The following CDC37L1 variants were observed in gnomAD, a reference collection of about 807,000 sequenced individuals.
The protein encoded by CDC37L1 is hsp90 co-chaperone Cdc37-like 1.
CDC37L1 carries 32 observed loss-of-function variants against 45.9 expected under a neutral mutation model. The observed-to-expected ratio is 0.70, with a 90% confidence interval of 0.53 to 0.94. The LOEUF (loss-of-function observed/expected upper bound fraction) is 0.94. Among genes scored for constraint, CDC37L1 ranks in the 40% least tolerant of loss-of-function variants. CDC37L1 has a pLI of 0.00. For synonymous variants in CDC37L1, 150 were observed against 133.0 expected, an observed-to-expected ratio of 1.13 and a Z score of -0.88; for missense variants, 434 against 405.7, an observed-to-expected ratio of 1.07 and a Z score of -0.60.
At chr9:4,684,701 G>C (rs1463459566) in intron 1 of CDC37L1, among the ~76,000 whole-genome samples, 176 bp from the exon 2 acceptor site, 1 of 152,186 alleles carries the variant, frequency 6.6e-6, no homozygotes, top group Non-Finnish European at 1.5e-5. Flanking sequence ...AAGAAGTTTA[G>C]AAGTTAGTTG....
At chr9:4,693,686 G>A (rs1041891368) in intron 3 of CDC37L1, among the ~76,000 whole-genome samples, 5 of 152,160 alleles carry the variant, frequency 3.3e-5, no homozygotes, top group Non-Finnish European at 7.4e-5. Context: ...CAGAGAAATT[G>A]TTTGGCTAGT....
intron 4 of CDC37L1, 96 bp from the exon 5 acceptor site, chr9:4,697,661 A>G (rs1841360714): frequency 3.1e-6 from 2 of 637,960 alleles, no homozygotes. Flanking sequence ...TTAAGAGAGT[A>G]AAATCAAAAG....
intron 3 of CDC37L1, among the ~76,000 whole-genome samples, chr9:4,696,395 G>T (rs1587621251): frequency 6.6e-6 from 1 of 151,890 alleles, no homozygotes; most frequent in African/African-American, 2.4e-5. Context: ...CATAATCCCA[G>T]CACTTTGGGA....
rs138255709 is a variant in CDC37L1, at chr9:4,708,018, G to A, written c.*1906G>A. On this transcript the variant is annotated 3_prime_UTR_variant, in exon 7 of 7. Transcript: ENST00000381854. Reference sequence around the variant, plus strand: ...ACTGAAAAGATGTTCTTTGAAACTTGATTTATATATTTTTACTTGCAAAAG... The same window carrying A: ...ACTGAAAAGATGTTCTTTGAAACTTAATTTATATATTTTTACTTGCAAAAG... The A allele has an allele frequency of 1.2e-3, 181 of 152,326 alleles. No homozygotes were observed. The highest frequency in any genetic ancestry group is 4.3e-3 in the African/African-American group (177 of 41,572). The allele number at this position is 152,326 out of a possible 1,614,324, so 9.4% of individuals were successfully genotyped here. A position where few individuals can be genotyped will look rare whatever the true frequency, so the allele number is the denominator to read the frequency against.
intron 5 of CDC37L1, among the ~76,000 whole-genome samples, chr9:4,701,025 A>G (rs1324457883): frequency 1.3e-5 from 2 of 152,270 alleles, no homozygotes; most frequent in Non-Finnish European, 2.9e-5. Context: ...ACAAGAAGAT[A>G]GGATGGCAGC....
chr9:4,689,407 G>A (rs1366025655), intron 3 of CDC37L1, among the ~76,000 whole-genome samples: 1 of 151,686 alleles, frequency 6.6e-6, no homozygotes, highest in Non-Finnish European at 1.5e-5. Flanking sequence ...TTTTTACATG[G>A]CATTTTGAAA....
chr9:4,686,339 G>A (rs542859747), intron 2 of CDC37L1, among the ~76,000 whole-genome samples: 42 of 152,140 alleles, frequency 2.8e-4, no homozygotes, highest in African/African-American at 9.9e-4. Flanking sequence ...TATCTTTCTC[G>A]ACTTTCTCTG....
chr9:4,699,345 G>C (rs1265694991), intron 5 of CDC37L1, among the ~76,000 whole-genome samples: 2 of 152,172 alleles, frequency 1.3e-5, no homozygotes, highest in Non-Finnish European at 2.9e-5. Flanking sequence ...ATCTTCACTG[G>C]TAAGTATAAT....
rs1587627223 is a variant in CDC37L1 at position 4,708,344 on chromosome 9, G to T, written c.*2232G>T. The T allele has an allele frequency of 6.6e-6, 1 of 152,164 alleles. No individual in the cohort carries two copies. Among genetic ancestry groups the T allele is most frequent in the East Asian group, 1.9e-4 (1 of 5,200 alleles). 9.4% of individuals were successfully genotyped at this position (152,164 alleles called of 1,614,324 possible). Reference sequence around the variant, plus strand: ...TTTTTTACATCAAAGTATCATCAAAGATTCTTGTTTCATTTGATAAAATTA... The same window carrying T: ...TTTTTTACATCAAAGTATCATCAAATATTCTTGTTTCATTTGATAAAATTA... On this transcript the variant is annotated 3_prime_UTR_variant, in exon 7 of 7. Coordinates refer to ENST00000381854, the MANE Select transcript of CDC37L1 (RefSeq NM_017913.4).
At chr9:4,693,905 A>C (rs10739068) in intron 3 of CDC37L1, among the ~76,000 whole-genome samples, 74,701 of 151,956 alleles carry the variant, frequency 0.49, 21,261 homozygotes, top group African/African-American at 0.78. Context: ...TATAAAGGGA[A>C]CTGCAGTAGT....
intron 5 of CDC37L1, 75 bp from the exon 6 acceptor site, chr9:4,701,789 A>G: frequency 8.8e-7 from 1 of 1,131,042 alleles, no homozygotes; most frequent in Non-Finnish European, 1.3e-6. Context: ...CAAACCTGTT[A>G]TATGCTTTCT....
intron 1 of CDC37L1, among the ~76,000 whole-genome samples, chr9:4,682,119 TCCATATTA>T (rs1841199634): frequency 6.6e-6 from 1 of 151,970 alleles, no homozygotes; most frequent in South Asian, 2.1e-4. Context: ...TTTCTATTTA[TCCATATTA>T]CCATATTACT....
rs1169020602 is a variant in CDC37L1 at position 4,679,676 on chromosome 9, T to A, written c.-92T>A. On this transcript the variant is annotated 5_prime_UTR_variant, in exon 1 of 7. Transcript: ENST00000381854. ...CGGCCCGGACCCCCGGCTGGGCTTC[T>A]GGCTCGGCGCAGCAGGTTCCATTCA... 3 of 1,238,082 alleles carry A rather than the reference T, an allele frequency of 2.4e-6. No homozygotes were observed. In the East Asian group the frequency reaches 8.1e-5, roughly 33 times the overall value. 76.7% of individuals were successfully genotyped at this position (1,238,082 alleles called of 1,614,324 possible). A position where few individuals can be genotyped will look rare whatever the true frequency, so the allele number is the denominator to read the frequency against.
intron 5 of CDC37L1, among the ~76,000 whole-genome samples, chr9:4,701,534 A>G (rs1166245294): frequency 6.6e-6 from 1 of 152,190 alleles, no homozygotes; most frequent in Non-Finnish European, 1.5e-5. Context: ...TTAAATGACT[A>G]TTTTGGATCC....
chr9:4,688,999 A>T (rs1047639208), intron 3 of CDC37L1, among the ~76,000 whole-genome samples: 2 of 152,138 alleles, frequency 1.3e-5, no homozygotes, highest in Non-Finnish European at 2.9e-5. Context: ...GATGCTTTAT[A>T]ATTCAGGCAG....
intron 5 of CDC37L1, among the ~76,000 whole-genome samples, chr9:4,700,656 T>A (rs73643846): frequency 0.038 from 5,777 of 152,264 alleles, 381 homozygotes; most frequent in African/African-American, 0.13. Context: ...TACTTTTTTT[T>A]AAATTATGAA....
At chr9:4,681,565 G>T (rs1056846986) in intron 1 of CDC37L1, among the ~76,000 whole-genome samples, 3 of 151,020 alleles carry the variant, frequency 2.0e-5, no homozygotes, top group African/African-American at 7.3e-5. Flanking sequence ...AATTGTTGGA[G>T]GCAAAGGTTA....
intron 5 of CDC37L1, 58 bp from the exon 6 acceptor site, chr9:4,701,806 T>C: frequency 7.5e-7 from 1 of 1,329,246 alleles, no homozygotes; most frequent in Admixed American, 2.1e-5. Context: ...TTCTGGAATT[T>C]ACTATGTCTA....
chr9:4,695,500 T>TA (rs1391870905), intron 3 of CDC37L1, among the ~76,000 whole-genome samples: 2 of 152,172 alleles, frequency 1.3e-5, no homozygotes, highest in East Asian at 3.8e-4. Context: ...TCCTTTTTTT[T>TA]AATCCTTTTA....
Sources: gnomAD v4.1 joint callset for allele counts (sites outside exome capture counted in the v4.1 genomes callset) on GRCh38, gnomAD v4.1.1 for gene constraint, MANE v1.5 for transcripts, NCBI Gene and HGNC (gene_info 2026-07-23, HGNC 2026-07-21) for gene names.